The following CLDN10 variants were observed in gnomAD, a reference collection of about 807,000 sequenced individuals.
CLDN10 encodes claudin-10.
In CLDN10, 15 loss-of-function variants were observed where a neutral mutation model predicts 22.9. The ratio of observed to expected loss-of-function variants is 0.65; its 90% CI spans 0.44 to 1.01. The LOEUF (loss-of-function observed/expected upper bound fraction) is 1.01, where lower values mean the gene tolerates loss of function less well. Ranked by LOEUF, CLDN10 falls within the 50% of genes least tolerant of loss-of-function variation. The pLI, the probability that CLDN10 is intolerant of heterozygous loss-of-function variation, is 0.00. For missense variants in CLDN10, 247 were observed against 287.8 expected (o/e 0.86, Z 1.03); for synonymous variants, 114 against 111.4 (o/e 1.02, Z -0.15).
chr13:95,487,297 A>C lies in CLDN10; in HGVS notation c.214+53250A>C, dbSNP rs1267775492. Among the ~76,000 whole-genome samples the C allele has an allele frequency of 2.0e-5, 3 of 152,232 alleles. No homozygotes were observed. In the East Asian group the frequency reaches 5.8e-4, roughly 29 times the overall value. On this transcript the variant is annotated intron_variant, in intron 1 of 4. Transcript: ENST00000376873. ...CCTTAGAGGGTTACCTATGAAGAGA[A>C]CTTTACACTGATATAAAGTCATCAC...
At chr13:95,457,059 C>T (rs1276108863) in intron 1 of CLDN10, among the ~76,000 whole-genome samples, 3 of 152,144 alleles carry the variant, frequency 2.0e-5, no homozygotes, top group Non-Finnish European at 4.4e-5. Flanking sequence ...CCACAGCCTT[C>T]CTGTTGCGTC....
chr13:95,572,628 G>A (rs947938020), intron 3 of CLDN10, among the ~76,000 whole-genome samples: 3 of 152,198 alleles, frequency 2.0e-5, no homozygotes, highest in Admixed American at 6.5e-5. Context: ...CCACATCTGA[G>A]CGTGTTTGGG....
intron 1 of CLDN10, among the ~76,000 whole-genome samples, chr13:95,545,889 A>C (rs2043504157): frequency 6.6e-6 from 1 of 152,178 alleles, no homozygotes; most frequent in Non-Finnish European, 1.5e-5. Flanking sequence ...TTTGGCTGAG[A>C]GCACGGGCCA....
intron 1 of CLDN10, among the ~76,000 whole-genome samples, chr13:95,542,235 A>G (rs2043467057): frequency 6.6e-6 from 1 of 152,192 alleles, no homozygotes; most frequent in Non-Finnish European, 1.5e-5. Context: ...GTCACCTCCC[A>G]TCAGGCCCCA....
chr13:95,455,098 G>T (rs775158874), intron 1 of CLDN10, among the ~76,000 whole-genome samples: 9 of 151,938 alleles, frequency 5.9e-5, no homozygotes, highest in Non-Finnish European at 1.3e-4. Flanking sequence ...GACTGCTTAA[G>T]CCCAGGGGTT....
intron 1 of CLDN10, among the ~76,000 whole-genome samples, chr13:95,481,681 A>G (rs187736410): frequency 7.2e-5 from 11 of 152,316 alleles, no homozygotes; most frequent in Admixed American, 4.6e-4. Flanking sequence ...TAATCTTCCT[A>G]TGTTGCAAAA....
rs139127896 is a variant in CLDN10 at position 95,441,272 on chromosome 13, T to C, written c.214+7225T>C. 2.6e-5 allele frequency among the ~76,000 whole-genome samples: 4 copies of C among 152,338 alleles called. No homozygotes were observed. The East Asian group carries it at 7.7e-4, about 29-fold the overall frequency. On this transcript the variant is annotated intron_variant, in intron 1 of 4. Coordinates refer to the CLDN10 transcript ENST00000376873. ...GTTTTTGTGGTCTTTTCTTTCCTTT[T>C]TGAGACAGGGTCTTGCTCTGTCTCC...
At chr13:95,533,915 G>GGC (rs1211173573) in intron 1 of CLDN10, 5 of 152,198 alleles carry the variant, frequency 3.3e-5, no homozygotes, top group Non-Finnish European at 7.3e-5. Context: ...TCTCCTCCCC[G>GGC]GCACCAGGCT....
At chr13:95,451,159 T>G (rs1300138974) in intron 1 of CLDN10, among the ~76,000 whole-genome samples, 2 of 152,218 alleles carry the variant, frequency 1.3e-5, no homozygotes, top group Non-Finnish European at 2.9e-5. Context: ...TCAAGGACTC[T>G]CAGAAATGGC....
rs1205287991 is a variant in CLDN10 at position 95,460,523 on chromosome 13, C to T, written c.214+26476C>T. Among the ~76,000 whole-genome samples the T allele has an allele frequency of 2.0e-5, 3 of 152,124 alleles. No homozygotes were observed. In the East Asian group the frequency reaches 5.8e-4, roughly 29 times the overall value. ...TCACATGGCAAAAAGGAAAGAGCCC[C>T]TTATAAAACCATTAGATCTCATGAA... On this transcript the variant is annotated intron_variant, in intron 1 of 4. Coordinates refer to the CLDN10 transcript ENST00000376873.
Position 95,542,001 on chromosome 13 carries a change from T to G in CLDN10, c.215-18131T>G, listed in dbSNP as rs560821031. On this transcript the variant is annotated intron_variant, in intron 1 of 4. Transcript: ENST00000376873. The stretch of plus-strand genomic sequence containing the variant: ...ACAGGAACATGATGCTGGCATCTAC[T>G]TGGCTTCTGGGGAGGCCTCAGGAAA... Among the ~76,000 whole-genome samples, 3 of 152,326 alleles carry G rather than the reference T, an allele frequency of 2.0e-5. No homozygotes were observed. The South Asian group carries it at 6.2e-4, about 32-fold the overall frequency.
At chr13:95,541,119 T>C (rs542689204) in intron 1 of CLDN10, among the ~76,000 whole-genome samples, 1 of 152,342 alleles carries the variant, frequency 6.6e-6, no homozygotes, top group Admixed American at 6.5e-5. Context: ...AATGCTTAAT[T>C]CCAACCATGA....
intron 1 of CLDN10, among the ~76,000 whole-genome samples, chr13:95,555,357 T>G (rs968666619): frequency 6.6e-6 from 1 of 152,320 alleles, no homozygotes; most frequent in Non-Finnish European, 1.5e-5. Context: ...CATCTTATCA[T>G]TTTAGTTGGC....
upstream of CLDN10, chr13:95,552,567 C>G (rs527394653): frequency 1.8e-3 from 542 of 302,370 alleles, 7 homozygotes; most frequent in African/African-American, 0.011. Flanking sequence ...CCCTCTGAGG[C>G]CCCTCAAGGG....
At chr13:95,455,325 A>T (rs1478586867) in intron 1 of CLDN10, among the ~76,000 whole-genome samples, 1 of 152,216 alleles carries the variant, frequency 6.6e-6, no homozygotes, top group African/African-American at 2.4e-5. Flanking sequence ...TGATTTTGTT[A>T]GGCTTTTCCC....
At chr13:95,519,652 T>C (rs184495884) in intron 1 of CLDN10, among the ~76,000 whole-genome samples, 1 of 152,394 alleles carries the variant, frequency 6.6e-6, no homozygotes, top group African/African-American at 2.4e-5. Context: ...ACTCAGTCCT[T>C]GTTCAAGCTA....
intron 3 of CLDN10, among the ~76,000 whole-genome samples, chr13:95,575,696 C>CAGTT (rs2043915361): frequency 6.6e-6 from 1 of 151,940 alleles, no homozygotes; most frequent in African/African-American, 2.4e-5. Flanking sequence ...TGCCAAAGCA[C>CAGTT]AGTTAGTGCT....
chr13:95,458,124 T>C (rs969344318), intron 1 of CLDN10, among the ~76,000 whole-genome samples: 2 of 152,200 alleles, frequency 1.3e-5, no homozygotes, highest in African/African-American at 2.4e-5. Context: ...CCTGAGCATA[T>C]ACTTTTCATG....
intron 1 of CLDN10, among the ~76,000 whole-genome samples, chr13:95,479,148 A>G (rs1219364775): frequency 6.6e-6 from 1 of 152,220 alleles, no homozygotes; most frequent in Non-Finnish European, 1.5e-5. Context: ...CAGGAGTTCA[A>G]GAACAGCCTG....
Sources: gnomAD v4.1 joint callset for allele counts (sites outside exome capture counted in the v4.1 genomes callset) on GRCh38, gnomAD v4.1.1 for gene constraint, MANE v1.5 for transcripts, NCBI Gene and HGNC (gene_info 2026-07-23, HGNC 2026-07-21) for gene names.